OBSL1: variants seen among roughly 807,000 people sequenced by gnomAD.
OBSL1 encodes the protein obscurin like cytoskeletal adaptor 1.
In OBSL1, 160 loss-of-function variants were observed where a neutral mutation model predicts 172.0. That is an observed-to-expected ratio of 0.93 (90% CI 0.82 to 1.06). OBSL1 has a LOEUF of 1.06. Among genes scored for constraint, OBSL1 ranks in the 50% least tolerant of loss-of-function variants. The probability of loss-of-function intolerance (pLI) is 0.00; values close to 1 mark genes in which losing one functional copy is unlikely to be tolerated. For synonymous variants in OBSL1, 1,200 were observed against 1,196.3 expected (o/e 1.00, Z -0.06); for missense variants, 2,681 against 2,715.4 (o/e 0.99, Z 0.28).
chr2:219,556,465 A>G lies in OBSL1; in HGVS notation c.4325T>C (p.Leu1442Pro). ...CATCAGGACCTAACCTCGAACATGG[A>G]GCCGGGCACTTGTGGCCGTGCTCCC... ...RAGSTATSARLHVRETELLFL... is the reference protein window; with the variant it reads ...RAGSTATSARPHVRETELLFL... The change falls in exon 13 of 21, where the codon CTC becomes CCC. Residue 1442 changes from leucine to proline, a missense_variant. Physicochemically the swap from Leu to Pro is moderately conservative, Grantham distance 98 (BLOSUM62 -3). Transcript: ENST00000404537. 6.2e-7 allele frequency: 1 copy of G among 1,613,774 alleles called. No homozygotes were observed. Among genetic ancestry groups the G allele is most frequent in the Non-Finnish European group, 8.5e-7 (1 of 1,179,866 alleles).
In OBSL1 at chr2:219,564,085, G is replaced by A. The variant is rs557856322; in HGVS notation, c.2408-458C>T. On this transcript the variant is annotated intron_variant, in intron 6 of 20. Transcript: ENST00000404537. ...GGTAGTGGGTTCCCTGTCACTGGGT[G>A]CATTCAGGCAGGGGCCACAGTGTGG... Among the ~76,000 whole-genome samples the A allele has an allele frequency of 8.5e-5, 13 of 152,326 alleles. No homozygotes were observed. The East Asian group carries it at 2.3e-3, about 27-fold the overall frequency.
chr2:219,567,791 G>A lies in OBSL1; in HGVS notation c.1461C>T (p.Val487=). ...GHMHALVLPG[V]TREDAGEVTF... is the part of the protein sequence containing the mutation. ...TGACCTCGCCAGCATCCTCTCGGGT[G>A]ACCCCTGGAAGGACCAGGGCATGCA... The change falls in exon 3 of 21, where the codon GTC becomes GTT. Residue 487 remains valine, a synonymous_variant. Coordinates refer to ENST00000404537, the MANE Select transcript of OBSL1 (RefSeq NM_015311.3). The A allele has an allele frequency of 6.2e-7, 1 of 1,613,938 alleles. No homozygotes were observed. The highest frequency in any genetic ancestry group is 1.1e-5 in the South Asian group (1 of 91,080).
chr2:219,552,938 G>A lies in OBSL1; in HGVS notation c.5076C>T (p.Pro1692=). Residue 1692 remains proline (P), a synonymous_variant, in exon 17 of 21, where the codon CCC becomes CCT. Coordinates refer to ENST00000404537, the MANE Select transcript of OBSL1 (RefSeq NM_015311.3). ...RRLLQLRRCG[P]SDAGTYSCAV... ...CGCAGCTGTAGGTCCCGGCGTCCGA[G>A]GGGCCGCAGCGTCGCAGCTGGAGAA... 10 of 1,536,214 alleles carry A rather than the reference G, an allele frequency of 6.5e-6. No homozygotes were observed. Among genetic ancestry groups the A allele is most frequent in the Non-Finnish European group, 8.7e-6 (10 of 1,144,334 alleles).
intron 6 of OBSL1, among the ~76,000 whole-genome samples, chr2:219,564,672 C>T (rs1696747735): frequency 6.6e-6 from 1 of 152,198 alleles, no homozygotes; most frequent in Non-Finnish European, 1.5e-5. Context: ...CTGTGCGTGG[C>T]ACACACCTAT....
rs1695795583 is a variant in OBSL1 at position 219,553,654 on chromosome 2, CGT to C, written c.4907_4908del (p.His1636ArgfsTer22). The C allele has an allele frequency of 6.2e-7, 1 of 1,613,758 alleles. No homozygotes were observed. Among genetic ancestry groups the C allele is most frequent in the East Asian group, 2.2e-5 (1 of 44,848 alleles). On this transcript the variant is annotated frameshift_variant, in exon 16 of 21. Transcript: ENST00000404537. LOFTEE classifies it high-confidence loss of function. ...GTGTCGCCCTCGGTCACCTCTAGGT[CGT>C]GTGGCCCCCGCACGATGGTCACTGG... ...EVPVTIVRGPHDLEVTEGDTA... is the reference protein window; with the variant it reads ...EVPVTIVRGPXDLEVTEGDTA...
At chr2:219,549,777 T>A (rs772374962), downstream of OBSL1, 2 of 1,614,130 alleles carry the variant, frequency 1.2e-6, no homozygotes, top group South Asian at 2.2e-5. Flanking sequence ...CTTCATGGCC[T>A]CACCCACAGA....
intron 12 of OBSL1, 87 bp from the exon 13 acceptor site, chr2:219,556,810 C>T: frequency 3.6e-6 from 5 of 1,399,860 alleles, no homozygotes; most frequent in Non-Finnish European, 4.8e-6. Context: ...GGCCCTCGTC[C>T]CCAGTCATTT....
At chr2:219,550,012 G>A (rs1490529942), downstream of OBSL1, 4 of 1,029,052 alleles carry the variant, frequency 3.9e-6, no homozygotes, top group Admixed American at 2.8e-5. Flanking sequence ...GGCGAGTCTT[G>A]GCCTGAGAGG....
Position 219,563,448 on chromosome 2 carries a change from G to T in OBSL1, c.2587C>A (p.Arg863Ser). 6.2e-7 allele frequency: 1 copy of T among 1,613,798 alleles called. No homozygotes were observed. The highest frequency in any genetic ancestry group is 8.5e-7 in the Non-Finnish European group (1 of 1,179,764). ...GGCTGGGTGGCGGGCAGCACCAGGC[G>T]GCGATGGGGCCCCTCATTCTCCAGC... The part of the protein sequence containing the change: ...VVLENEGPHR[R>S]LVLPATQPSD... Residue 863 changes from arginine to serine, a missense_variant, in exon 7 of 21, where the codon CGC becomes AGC. Arg to Ser is a moderately radical substitution (Grantham distance 110). This residue lies in a region of OBSL1 where 1,765 missense variants were observed against 1,748.3 expected (regional missense o/e 1.01). Coordinates refer to ENST00000404537, the MANE Select transcript of OBSL1 (RefSeq NM_015311.3).
At chr2:219,559,007 G>A (rs1696254767) in intron 9 of OBSL1, 11 of 553,256 alleles carry the variant, frequency 2.0e-5, no homozygotes, top group South Asian at 2.8e-5. Flanking sequence ...AGTATTGAAC[G>A]AATGGATGAA....
intron 15 of OBSL1, chr2:219,554,214 A>G (rs1574524840): frequency 5.4e-6 from 3 of 558,268 alleles, no homozygotes; most frequent in East Asian, 3.0e-5. Flanking sequence ...AGTGACCACA[A>G]TGGCAAAGGC....
chr2:219,557,856 C>T lies in OBSL1; in HGVS notation c.3757G>A (p.Ala1253Thr), dbSNP rs779728259. The T allele has an allele frequency of 1.2e-5, 19 of 1,600,440 alleles. No individual in the cohort carries two copies. In the South Asian group the frequency reaches 1.6e-4, roughly 14 times the overall value. ...YTCQSGAAPG[A>T]PSLSFTVQVA... The stretch of plus-strand genomic sequence containing the variant: ...TGGACGGTGAAGCTGAGGCTTGGGG[C>T]TCCGGGGGCTGCTCCAGACTGGCAG... Residue 1253 changes from alanine to threonine, a missense_variant, in exon 11 of 21, where the codon GCC becomes ACC. Around this residue, in one of 5 missense-constraint regions of OBSL1, gnomAD observed 1,765 missense variants for 1,748.3 expected, o/e 1.01. Transcript: ENST00000404537.
At chr2:219,557,675 G>T (rs777090581) in intron 11 of OBSL1, 57 bp from the exon 12 acceptor site, 1,690 of 1,503,554 alleles carry the variant, frequency 1.1e-3, no homozygotes, top group Non-Finnish European at 1.4e-3. Flanking sequence ...TTTGAGGAGG[G>T]CACGGGGAGG....
At chr2:219,554,317 G>A in intron 15 of OBSL1, 157 bp downstream of exon 15, 1 of 914,472 alleles carries the variant, frequency 1.1e-6, no homozygotes, top group Non-Finnish European at 1.7e-6. Context: ...CAGGGCCTAT[G>A]AGTCAGGGGG....
chr2:219,551,188 G>A, intron 20 of OBSL1: 1 of 1,387,068 alleles, frequency 7.2e-7, no homozygotes, highest in South Asian at 1.6e-5. Context: ...ACAGGCTGGA[G>A]GAAGGCAGTG....
At chr2:219,554,311 G>T (rs1695843163) in intron 15 of OBSL1, 163 bp downstream of exon 15, 1 of 860,762 alleles carries the variant, frequency 1.2e-6, no homozygotes. Context: ...GCCACACAGG[G>T]CCTATGAGTC....
chr2:219,554,629 C>G lies in OBSL1; in HGVS notation c.4721G>C (p.Arg1574Pro), dbSNP rs780124019. 6.2e-7 allele frequency: 1 copy of G among 1,611,708 alleles called. No homozygotes were observed. The change falls in exon 15 of 21, where the codon CGG becomes CCG. Residue 1574 changes from arginine to proline, a missense_variant. By Grantham distance (103) the Arg-to-Pro change is moderately radical (BLOSUM62 -2). Transcript: ENST00000404537. ...TCCTGGATACAGCTGTACTCCACCC[C>G]GGGCCCACTCCCCGGTCACACCTTC... Reference protein sequence around the residue: ...SQEGVTGEWARGGVQLYPGPK... With the variant: ...SQEGVTGEWAPGGVQLYPGPK...
rs756307831 is a variant in OBSL1, at chr2:219,570,275, C to A, written c.958G>T (p.Ala320Ser). Reference sequence around the variant, plus strand: ...GTCTGGCCCGCCGAGTTGCGCGCGGCGCAGACGTAGAGCCCACGATCCTTG... The same window carrying A: ...GTCTGGCCCGCCGAGTTGCGCGCGGAGCAGACGTAGAGCCCACGATCCTTG... ...QAKDRGLYVC[A>S]ARNSAGQTLS... Residue 320 changes from alanine (A) to serine (S), a missense_variant, in exon 1 of 21, where the codon GCC becomes TCC. Around this residue, in one of 5 missense-constraint regions of OBSL1, gnomAD observed 706 missense variants for 695.8 expected, o/e 1.01. Transcript: ENST00000404537. 1.9e-6 allele frequency: 3 copies of A among 1,603,244 alleles called. No individual in the cohort carries two copies. Among genetic ancestry groups the A allele is most frequent in the Admixed American group, 1.7e-5 (1 of 59,594 alleles).
rs756182435 is a variant in OBSL1 at position 219,552,592 on chromosome 2, C to G, written c.5252G>C (p.Trp1751Ser). The G allele has an allele frequency of 1.9e-6, 3 of 1,586,244 alleles. No homozygotes were observed. The highest frequency in any genetic ancestry group is 8.5e-7 in the Non-Finnish European group (1 of 1,172,768). Residue 1751 changes from tryptophan to serine, a missense_variant, in exon 18 of 21, where the codon TGG becomes TCG. Trp to Ser is a radical substitution (Grantham distance 177, BLOSUM62 -3). Transcript: ENST00000404537. ...TCTCAGCGGGCGGCCTCCGAGCTCC[C>G]AGCGCCCCGTGGTCTCGACCTCCGA... Reference protein sequence around the residue: ...TVSEVETTGRWELGGRPLRPG... With the variant: ...TVSEVETTGRSELGGRPLRPG...
Sources: allele counts gnomAD v4.1 joint callset (sites outside exome capture counted in the v4.1 genomes callset), GRCh38; gene constraint gnomAD v4.1.1; regional missense constraint gnomAD v4.1.1; transcripts MANE v1.5; gene names NCBI Gene and HGNC (gene_info 2026-07-23, HGNC 2026-07-21).